Variants in SIPA1L1 observed in about 807,000 individuals in gnomAD.
SIPA1L1 encodes signal-induced proliferation-associated 1-like protein 1.
SIPA1L1 carries 26 observed loss-of-function variants against 162.7 expected under a neutral mutation model. The observed-to-expected ratio is 0.16, with a 90% CI of 0.12 to 0.22. The LOEUF (loss-of-function observed/expected upper bound fraction) is 0.22, where lower values mean the gene tolerates loss of function less well. Among genes scored for constraint, SIPA1L1 ranks in the 10% least tolerant of loss-of-function variants. SIPA1L1 has a pLI of 1.00. For missense variants in SIPA1L1, 1,874 were observed against 2,241.0 expected, an observed-to-expected ratio of 0.84 and a Z score of 3.31; for synonymous variants, 829 against 837.4, an observed-to-expected ratio of 0.99 and a Z score of 0.17.
Position 71,438,884 on chromosome 14 carries a change from C to G in SIPA1L1, c.-464-73859C>G, listed in dbSNP as rs1055005059. 3.9e-5 allele frequency among the ~76,000 whole-genome samples: 6 copies of G among 152,142 alleles called. No homozygotes were observed. The East Asian group carries it at 9.7e-4, about 24-fold the overall frequency. ...CTTGGGCTGGTTGGAAAGCCGTGGG[C>G]TGGTTACTATGGGAATTGATGGGTG... On this transcript the variant is annotated intron_variant, in intron 2 of 23. Transcript: ENST00000381232.
intron 2 of SIPA1L1, among the ~76,000 whole-genome samples, chr14:71,440,553 C>T (rs746606801): frequency 7.6e-5 from 10 of 130,774 alleles, no homozygotes; most frequent in African/African-American, 1.1e-4. Flanking sequence ...GGAGGCTGAG[C>T]GGGGAGGATA....
intron 4 of SIPA1L1, among the ~76,000 whole-genome samples, chr14:71,555,619 A>G (rs577932813): frequency 3.7e-4 from 56 of 152,292 alleles, no homozygotes; most frequent in Non-Finnish European, 2.2e-4. Context: ...AACTGGTACA[A>G]TCCTAGCTTT....
At chr14:71,445,196 C>T (rs1162802961) in intron 2 of SIPA1L1, among the ~76,000 whole-genome samples, 1 of 152,166 alleles carries the variant, frequency 6.6e-6, no homozygotes, top group Non-Finnish European at 1.5e-5. Flanking sequence ...TGAAAATCTT[C>T]TGATGTCATA....
At position 71,589,069 on chromosome 14, in the gene SIPA1L1, C is replaced by G. The variant is rs755096294; in HGVS notation, c.1197C>G (p.Ser399Arg). The change falls in exon 5 of 24, where the codon AGC becomes AGG. Residue 399 changes from serine to arginine, a missense_variant. Coordinates refer to ENST00000381232, the MANE Select transcript of SIPA1L1 (RefSeq NM_001386936.1). ...TEDLNSKGSL[S>R]MDQGDDKSNE... is the part of the protein sequence containing the mutation. ...ACCTGAATTCCAAAGGAAGCCTCAG[C>G]ATGGACCAGGGAGATGATAAAAGCA... 5.6e-6 allele frequency: 9 copies of G among 1,614,106 alleles called. No individual in the cohort carries two copies. Among genetic ancestry groups the G allele is most frequent in the Non-Finnish European group, 7.6e-6 (9 of 1,179,990 alleles).
chr14:71,467,731 C>T (rs1036883952), intron 2 of SIPA1L1, among the ~76,000 whole-genome samples: 3 of 151,580 alleles, frequency 2.0e-5, no homozygotes, highest in Non-Finnish European at 4.4e-5. Flanking sequence ...GGATTCAAAT[C>T]TTGACTGGGC....
intron 3 of SIPA1L1, among the ~76,000 whole-genome samples, chr14:71,514,393 C>T (rs1028850398): frequency 6.6e-6 from 1 of 152,080 alleles, no homozygotes; most frequent in African/African-American, 2.4e-5. Flanking sequence ...GCAGAATGTC[C>T]CTAGAAGGTC....
chr14:71,723,586 C>A, intron 17 of SIPA1L1, 61 bp from the exon 18 acceptor site: 1 of 1,596,346 alleles, frequency 6.3e-7, no homozygotes, highest in Non-Finnish European at 8.6e-7. Context: ...CCCCGGACAG[C>A]ACTTTTATAG....
intron 2 of SIPA1L1, among the ~76,000 whole-genome samples, chr14:71,399,766 G>A (rs1405025331): frequency 6.6e-6 from 1 of 151,556 alleles, no homozygotes; most frequent in Non-Finnish European, 1.5e-5. Flanking sequence ...CTGTCACCCA[G>A]GCTGGAGTGC....
intron 23 of SIPA1L1, among the ~76,000 whole-genome samples, chr14:71,738,708 A>G (rs868050921): frequency 1.6e-4 from 25 of 152,182 alleles, no homozygotes; most frequent in African/African-American, 5.8e-4. Flanking sequence ...ATATCAAGAC[A>G]TCAGCCACCA....
rs772038181 is a variant in SIPA1L1 at position 71,588,353 on chromosome 14, A to G, written c.481A>G (p.Ser161Gly). Residue 161 changes from serine (S) to glycine (G), a missense_variant, in exon 5 of 24, where the codon AGC (serine) becomes GGC (glycine). Ser to Gly is a moderately conservative substitution (Grantham distance 56). Coordinates refer to ENST00000381232, the MANE Select transcript of SIPA1L1 (RefSeq NM_001386936.1). This position sits in a 1 kb window ranked among gnomAD's most constrained non-coding sequence, Gnocchi z 4.3. ...ATTTCTCATGCCTGAAGCCTACCCCAGCTCCCCCAGAAAAGCTCTTCGCAG... is the reference window on the plus strand; with the variant it reads ...ATTTCTCATGCCTGAAGCCTACCCCGGCTCCCCCAGAAAAGCTCTTCGCAG... Reference protein sequence around the residue: ...SRFLMPEAYPSSPRKALRRIR... With the variant: ...SRFLMPEAYPGSPRKALRRIR... 6.2e-6 allele frequency: 10 copies of G among 1,613,644 alleles called. No individual in the cohort carries two copies. The highest frequency in any genetic ancestry group is 8.5e-6 in the Non-Finnish European group (10 of 1,179,962).
intron 10 of SIPA1L1, among the ~76,000 whole-genome samples, chr14:71,667,601 C>T (rs2044140775): frequency 6.6e-6 from 1 of 152,208 alleles, no homozygotes; most frequent in Admixed American, 6.5e-5. Flanking sequence ...GGCCAGTAAT[C>T]TGATTCAGGC....
At chr14:71,374,682 A>G (rs1389484439) in intron 2 of SIPA1L1, among the ~76,000 whole-genome samples, 2 of 139,728 alleles carry the variant, frequency 1.4e-5, no homozygotes, top group African/African-American at 2.6e-5. Flanking sequence ...CTCTGAGGCA[A>G]CCGTTTTGAA....
intron 2 of SIPA1L1, among the ~76,000 whole-genome samples, chr14:71,508,959 A>T (rs950504058): frequency 1.3e-5 from 2 of 152,186 alleles, no homozygotes; most frequent in African/African-American, 2.4e-5. Context: ...TACCCTGTTG[A>T]GTAGTGTAGA....
chr14:71,347,585 G>A (rs1003767003), intron 2 of SIPA1L1, among the ~76,000 whole-genome samples: 1 of 152,090 alleles, frequency 6.6e-6, no homozygotes, highest in African/African-American at 2.4e-5. Context: ...AGGAACTGCC[G>A]GACTGTTTTC....
At chr14:71,650,553 G>T (rs556905098) in intron 8 of SIPA1L1, 44 bp downstream of exon 8, 1 of 1,557,108 alleles carries the variant, frequency 6.4e-7, no homozygotes, top group African/African-American at 1.4e-5. Flanking sequence ...TTTTCCCCCT[G>T]TTGTGCTGTT....
intron 7 of SIPA1L1, among the ~76,000 whole-genome samples, chr14:71,636,464 T>A (rs1567365733): frequency 6.6e-6 from 1 of 151,962 alleles, no homozygotes; most frequent in Non-Finnish European, 1.5e-5. Context: ...AGAAAACACT[T>A]CAAGGGAAAT....
chr14:71,619,284 CT>C (rs1194660166), intron 6 of SIPA1L1, among the ~76,000 whole-genome samples: 1 of 152,128 alleles, frequency 6.6e-6, no homozygotes. Flanking sequence ...TTAATTCACT[CT>C]TCCAAGCTCT....
intron 2 of SIPA1L1, among the ~76,000 whole-genome samples, chr14:71,382,742 T>C (rs1164842206): frequency 6.6e-6 from 1 of 152,004 alleles, no homozygotes; most frequent in African/African-American, 2.4e-5. Context: ...AAGGAGAGAG[T>C]ATTTTTATTT....
intron 10 of SIPA1L1, among the ~76,000 whole-genome samples, chr14:71,666,824 A>C (rs183996520): frequency 1.4e-5 from 2 of 146,944 alleles, no homozygotes; most frequent in African/African-American, 5.0e-5. Context: ...AGGAAGCGTG[A>C]TGCATGTCCA....
Sources: allele counts gnomAD v4.1 joint callset (sites outside exome capture counted in the v4.1 genomes callset), GRCh38; gene constraint gnomAD v4.1.1; non-coding constraint Gnocchi (gnomAD v3.1); transcripts MANE v1.5; gene names NCBI Gene and HGNC (gene_info 2026-07-23, HGNC 2026-07-21).